The following RARA variants were observed in gnomAD, a reference collection of about 807,000 sequenced individuals.
RARA encodes retinoic acid receptor alpha.
A neutral mutation model predicts 42.8 loss-of-function variants in RARA; 5 were observed. The observed-to-expected ratio is 0.12, with a 90% CI of 0.06 to 0.25. The LOEUF (loss-of-function observed/expected upper bound fraction) is 0.25, where lower values mean the gene tolerates loss of function less well. Ranked by LOEUF, RARA falls within the 10% of genes least tolerant of loss-of-function variation. The pLI, the probability that RARA is intolerant of heterozygous loss-of-function variation, is 1.00. For missense variants in RARA, 402 were observed against 628.7 expected, an observed-to-expected ratio of 0.64 and a Z score of 3.86; for synonymous variants, 256 against 259.5, an observed-to-expected ratio of 0.99 and a Z score of 0.13.
rs1327424929 is a variant in RARA at position 40,326,911 on chromosome 17, T to A, written c.-362-3946T>A. On this transcript the variant is annotated intron_variant, in intron 1 of 8. Transcript: ENST00000254066. The surrounding 1 kb of genome is among the most constrained non-coding windows in gnomAD (Gnocchi z 5.2). ...GGGCCCACCCTGGTCATCCCTACCC[T>A]TGCCCATCCCTGTTCTCTGGTCTTT... Among the ~76,000 whole-genome samples, 1 of 152,180 alleles carries A rather than the reference T, an allele frequency of 6.6e-6. No homozygotes were observed. Among genetic ancestry groups the A allele is most frequent in the Non-Finnish European group, 1.5e-5 (1 of 68,022 alleles).
At chr17:40,348,206 A>C (rs2034329658) in intron 2 of RARA, 110 bp from the exon 3 acceptor site, 1 of 1,309,688 alleles carries the variant, frequency 7.6e-7, no homozygotes, top group African/African-American at 1.5e-5. Flanking sequence ...TCCTGCCAGC[A>C]GTGGTGAGGC....
chr17:40,323,537 C>T (rs915166260), intron 1 of RARA, among the ~76,000 whole-genome samples: 1 of 151,886 alleles, frequency 6.6e-6, no homozygotes, highest in African/African-American at 2.4e-5. Context: ...ATGCCTTCCC[C>T]TGCACACACA....
At chr17:40,310,903 C>G (rs953588073) in intron 1 of RARA, among the ~76,000 whole-genome samples, 1 of 152,096 alleles carries the variant, frequency 6.6e-6, no homozygotes, top group Admixed American at 6.5e-5. Flanking sequence ...TAGTTTTCTT[C>G]CCCCATCCTT....
chr17:40,354,457 G>A lies in RARA; in HGVS notation c.963G>A (p.Met321Ile), dbSNP rs1477443305. 2 of 1,613,978 alleles carry A rather than the reference G, an allele frequency of 1.2e-6. No homozygotes were observed. Among genetic ancestry groups the A allele is most frequent in the Admixed American group, 1.7e-5 (1 of 60,008 alleles). ...AFANQLLPLE[M>I]DDAETGLLSA... Reference sequence around the variant, plus strand: ...CCAACCAGCTGCTGCCCCTGGAGATGGATGATGCGGAGACGGGGCTGCTCA... The same window carrying A: ...CCAACCAGCTGCTGCCCCTGGAGATAGATGATGCGGAGACGGGGCTGCTCA... The change falls in exon 7 of 9, where the codon ATG (methionine) becomes ATA (isoleucine). Residue 321 changes from methionine to isoleucine, a missense_variant. Met to Ile is a conservative substitution (Grantham distance 10). This residue lies in a region of RARA where 104 missense variants were observed against 160.1 expected (regional missense o/e 0.65). Coordinates refer to ENST00000254066, the MANE Select transcript of RARA (RefSeq NM_000964.4). The surrounding 1 kb of genome is among the most constrained non-coding windows in gnomAD (Gnocchi z 4.5).
In RARA at chr17:40,354,883, A is replaced by G; in HGVS notation, c.1012+377A>G. ...GGTAACAGATACTGTGCAGGTGCCCAGAGCGAGCTCCAGTGCTTGTTAGTT... is the reference window on the plus strand; with the variant it reads ...GGTAACAGATACTGTGCAGGTGCCCGGAGCGAGCTCCAGTGCTTGTTAGTT... On this transcript the variant is annotated intron_variant, in intron 7 of 8. Transcript: ENST00000254066. This position sits in a 1 kb window ranked among gnomAD's most constrained non-coding sequence, Gnocchi z 4.5. 6.6e-6 allele frequency among the ~76,000 whole-genome samples: 1 copy of G among 152,242 alleles called. No individual in the cohort carries two copies. Among genetic ancestry groups the G allele is most frequent in the East Asian group, 1.9e-4 (1 of 5,198 alleles).
intron 2 of RARA, chr17:40,340,816 T>C (rs2143368048): frequency 2.5e-6 from 1 of 399,746 alleles, no homozygotes; most frequent in South Asian, 1.3e-4. Context: ...CTCAGAAAAA[T>C]ACCTTGAATT....
chr17:40,352,080 TC>T lies in RARA; in HGVS notation c.630+15del, dbSNP rs1358863732. The T allele has an allele frequency of 2.6e-6, 4 of 1,551,824 alleles. No individual in the cohort carries two copies. The highest frequency in any genetic ancestry group is 1.2e-5 in the South Asian group (1 of 82,044). On this transcript the variant is annotated intron_variant, in intron 5 of 8. Coordinates refer to ENST00000254066, the MANE Select transcript of RARA (RefSeq NM_000964.4). This position sits in a 1 kb window ranked among gnomAD's most constrained non-coding sequence, Gnocchi z 4.9. Reference sequence around the variant, plus strand: ...GGGCAAATACACTACGGTATGGCTTTCCCCCGGCCTGCAGGGTGGGATTTGC... The same window carrying T: ...GGGCAAATACACTACGGTATGGCTTTCCCCGGCCTGCAGGGTGGGATTTGC...
chr17:40,316,387 C>G (rs567621733), intron 1 of RARA, among the ~76,000 whole-genome samples: 1 of 152,192 alleles, frequency 6.6e-6, no homozygotes, highest in South Asian at 2.1e-4. Context: ...TGCATACATG[C>G]GTCGGGGATG....
At chr17:40,333,500 T>A (rs866991695) in intron 2 of RARA, among the ~76,000 whole-genome samples, 1 of 150,170 alleles carries the variant, frequency 6.7e-6, no homozygotes, top group African/African-American at 2.5e-5. Flanking sequence ...ACCTAGCTAA[T>A]TTTTTTTGTA....
rs924091394 is a variant in RARA, at chr17:40,353,762, G to T, written c.808-540G>T. 5.3e-5 allele frequency among the ~76,000 whole-genome samples: 8 copies of T among 152,332 alleles called. No homozygotes were observed. The East Asian group carries it at 1.5e-3, about 29-fold the overall frequency. On this transcript the variant is annotated intron_variant, in intron 6 of 8. Coordinates refer to ENST00000254066, the MANE Select transcript of RARA (RefSeq NM_000964.4). ...ACCTCTGAATGTTGAGGCGGGTGAT[G>T]GGTGGGAGGTTTAGATTGTGCTGCC...
At chr17:40,347,807 TG>T (rs2034316012) in intron 2 of RARA, among the ~76,000 whole-genome samples, 1 of 113,120 alleles carries the variant, frequency 8.8e-6, no homozygotes, top group Non-Finnish European at 1.8e-5. Flanking sequence ...GGGCAGTGGC[TG>T]CTGGCAGAAT....
intron 2 of RARA, among the ~76,000 whole-genome samples, chr17:40,340,305 T>C (rs934733606): frequency 2.0e-5 from 3 of 152,216 alleles, no homozygotes; most frequent in African/African-American, 7.2e-5. Flanking sequence ...AAGATCTTTT[T>C]ACACTGTAAA....
Position 40,352,573 on chromosome 17 carries a change from G to C in RARA, c.807+66G>C. 1 of 1,377,532 alleles carries C rather than the reference G, an allele frequency of 7.3e-7. No homozygotes were observed. The highest frequency in any genetic ancestry group is 9.8e-7 in the Non-Finnish European group (1 of 1,025,602). The allele number at this position is 1,377,532 out of a possible 1,614,324, so 85.3% of individuals were successfully genotyped here. ...TCCTGGGTAGATGTCCTTCCAGCCA[G>C]ACAGCCACCCTCCTAAATGTCTGTC... On this transcript the variant is annotated intron_variant, in intron 6 of 8. Coordinates refer to ENST00000254066, the MANE Select transcript of RARA (RefSeq NM_000964.4). This position sits in a 1 kb window ranked among gnomAD's most constrained non-coding sequence, Gnocchi z 4.9.
At chr17:40,342,239 C>A in intron 2 of RARA, 1 of 1,055,308 alleles carries the variant, frequency 9.5e-7, no homozygotes, top group Non-Finnish European at 1.1e-6. Flanking sequence ...GGGATCCCCA[C>A]CCCCACCCGG....
At position 40,351,925 on chromosome 17, in the gene RARA, G is replaced by A. The variant is rs749735817; in HGVS notation, c.485G>A (p.Arg162Gln). 7 of 1,612,232 alleles carry A rather than the reference G, an allele frequency of 4.3e-6. No individual in the cohort carries two copies. The highest frequency in any genetic ancestry group is 3.4e-5 in the Admixed American group (2 of 59,370). ...GMSKESVRND[R>Q]NKKKKEVPKP... Reference sequence around the variant, plus strand: ...CCCTCCACAGCTGTGAGAAACGACCGAAACAAGAAGAAGAAGGAGGTGCCC... The same window carrying A: ...CCCTCCACAGCTGTGAGAAACGACCAAAACAAGAAGAAGAAGGAGGTGCCC... Residue 162 changes from arginine (R) to glutamine (Q), a missense_variant, in exon 5 of 9, where the codon CGA becomes CAA. By Grantham distance (43) the Arg-to-Gln change is conservative. Around this residue, in one of 5 missense-constraint regions of RARA, gnomAD observed 130 missense variants for 267.9 expected, o/e 0.49. Transcript: ENST00000254066. The surrounding 1 kb of genome is among the most constrained non-coding windows in gnomAD (Gnocchi z 4.1).
rs950687847 is a variant in RARA at position 40,356,150 on chromosome 17, C to T, written c.1313C>T (p.Ala438Val). 4 of 1,551,836 alleles carry T rather than the reference C, an allele frequency of 2.6e-6. No individual in the cohort carries two copies. The highest frequency in any genetic ancestry group is 2.4e-5 in the South Asian group (2 of 84,356). The change falls in exon 9 of 9, where the codon GCC becomes GTC. Residue 438 changes from alanine (A) to valine (V), a missense_variant. Transcript: ENST00000254066. ...GGGGGGCGGGACGGGGGTGGCCTGG[C>T]CCCCCCGCCAGGCAGCTGTAGCCCC... ...GGGGRDGGGL[A>V]PPPGSCSPSL...
chr17:40,313,551 G>A (rs552290774), intron 1 of RARA, among the ~76,000 whole-genome samples: 3 of 152,234 alleles, frequency 2.0e-5, no homozygotes, highest in Admixed American at 2.0e-4. Flanking sequence ...CCCTGGGGTT[G>A]TTCAAGGCCC....
chr17:40,331,335 C>T lies in RARA; in HGVS notation c.117C>T (p.Gly39=), dbSNP rs767135725. Reference sequence around the variant, plus strand: ...TGCTGGGTGGACTCTCCCCGCCAGGCGCTCTGACCACTCTCCAGCACCAGC... The same window carrying T: ...TGCTGGGTGGACTCTCCCCGCCAGGTGCTCTGACCACTCTCCAGCACCAGC... The part of the protein sequence containing the change: ...PPMLGGLSPP[G]ALTTLQHQLP... The change falls in exon 2 of 9, where the codon GGC becomes GGT. Residue 39 remains glycine (G), a synonymous_variant. Coordinates refer to ENST00000254066, the MANE Select transcript of RARA (RefSeq NM_000964.4). 3.5e-5 allele frequency: 57 copies of T among 1,613,976 alleles called. 2 individuals carry two copies. The South Asian group carries it at 4.5e-4, about 13-fold the overall frequency.
chr17:40,348,699 G>A (rs953575348), intron 3 of RARA: 14 of 426,564 alleles, frequency 3.3e-5, no homozygotes, highest in Non-Finnish European at 5.3e-5. Context: ...TCCTTTCCCT[G>A]TCTCTATCCT....
Sources: gnomAD v4.1 joint callset for allele counts (sites outside exome capture counted in the v4.1 genomes callset) on GRCh38, gnomAD v4.1.1 for gene constraint, gnomAD v4.1.1 regional missense constraint, Gnocchi (gnomAD v3.1) non-coding constraint, MANE v1.5 for transcripts, NCBI Gene and HGNC (gene_info 2026-07-23, HGNC 2026-07-21) for gene names.